RNGTT: variants seen among roughly 807,000 people sequenced by gnomAD.
RNGTT encodes mRNA-capping enzyme.
In RNGTT, 33 loss-of-function variants were observed where a neutral mutation model predicts 79.3. That is an observed-to-expected ratio of 0.42 (90% CI 0.32 to 0.56). The LOEUF (loss-of-function observed/expected upper bound fraction) is 0.56. Ranked by LOEUF, RNGTT falls within the 20% of genes least tolerant of loss-of-function variation. RNGTT has a pLI of 0.17. For missense variants in RNGTT, 497 were observed against 739.1 expected, an observed-to-expected ratio of 0.67 and a Z score of 3.80; for synonymous variants, 222 against 235.9, an observed-to-expected ratio of 0.94 and a Z score of 0.54.
chr6:88,832,857 A>G (rs1302662378), intron 11 of RNGTT, among the ~76,000 whole-genome samples: 1 of 152,224 alleles, frequency 6.6e-6, no homozygotes, highest in Non-Finnish European at 1.5e-5. Context: ...GAGAAATGCA[A>G]ATCAAAACCA....
At chr6:88,728,464 G>T (rs1776995920) in intron 13 of RNGTT, among the ~76,000 whole-genome samples, 1 of 152,142 alleles carries the variant, frequency 6.6e-6, no homozygotes, top group Non-Finnish European at 1.5e-5. Context: ...AAAGTTCTGT[G>T]GACCACTAAA....
At chr6:88,646,537 T>G (rs9359799) in intron 14 of RNGTT, among the ~76,000 whole-genome samples, 151,049 of 152,316 alleles carry the variant, frequency 0.99, 74,900 homozygotes, top group East Asian at 1. Flanking sequence ...TAAAGACACA[T>G]GCACACCTAT....
intron 4 of RNGTT, among the ~76,000 whole-genome samples, chr6:88,918,393 G>T (rs1373323178): frequency 1.3e-5 from 2 of 151,986 alleles, no homozygotes; most frequent in Non-Finnish European, 1.5e-5. Context: ...AGGAAAAAAT[G>T]GATTCAAGTA....
At chr6:88,671,649 C>T (rs1774642875) in intron 14 of RNGTT, among the ~76,000 whole-genome samples, 1 of 152,162 alleles carries the variant, frequency 6.6e-6, no homozygotes, top group African/African-American at 2.4e-5. Context: ...AAAGCCAAAG[C>T]AAGCCTAAGC....
chr6:88,841,251 G>A (rs888740892), intron 11 of RNGTT, among the ~76,000 whole-genome samples: 4 of 152,066 alleles, frequency 2.6e-5, no homozygotes, highest in Non-Finnish European at 5.9e-5. Context: ...TAGCGGCAGA[G>A]GTCAACCAAA....
chr6:88,906,163 A>G (rs1783647075), intron 5 of RNGTT, among the ~76,000 whole-genome samples: 1 of 152,096 alleles, frequency 6.6e-6, no homozygotes. Context: ...AAAACAAAAC[A>G]TACATATATA....
chr6:88,716,987 G>C (rs915698756), intron 13 of RNGTT, among the ~76,000 whole-genome samples: 2 of 151,978 alleles, frequency 1.3e-5, no homozygotes, highest in Non-Finnish European at 2.9e-5. Flanking sequence ...TGTAAACTGA[G>C]CACTCATTCC....
At chr6:88,657,575 A>T (rs944230731) in intron 14 of RNGTT, among the ~76,000 whole-genome samples, 1 of 152,218 alleles carries the variant, frequency 6.6e-6, no homozygotes, top group Non-Finnish European at 1.5e-5. Context: ...ATATGAGCAC[A>T]GAAACTGCAG....
At chr6:88,758,114 CTT>C (rs934693449) in intron 13 of RNGTT, among the ~76,000 whole-genome samples, 1 of 152,042 alleles carries the variant, frequency 6.6e-6, no homozygotes, top group Admixed American at 6.6e-5. Flanking sequence ...ATTTGATAGT[CTT>C]TGTCTCTATA....
At chr6:88,710,331 T>C (rs1053754155) in intron 13 of RNGTT, among the ~76,000 whole-genome samples, 3 of 152,244 alleles carry the variant, frequency 2.0e-5, no homozygotes, top group African/African-American at 7.2e-5. Flanking sequence ...ATACTGTATG[T>C]TGTCTAGCAG....
At chr6:88,618,053 T>C (rs998229445) in intron 14 of RNGTT, among the ~76,000 whole-genome samples, 1 of 152,216 alleles carries the variant, frequency 6.6e-6, no homozygotes, top group Non-Finnish European at 1.5e-5. Context: ...TAGCTTATCA[T>C]TCTTGTGTTC....
chr6:88,660,848 A>ACAACTG (rs1774156725), intron 14 of RNGTT, among the ~76,000 whole-genome samples: 1 of 152,222 alleles, frequency 6.6e-6, no homozygotes, highest in Non-Finnish European at 1.5e-5. Context: ...ATTCTACCCA[A>ACAACTG]CAACTGCAGA....
At chr6:88,640,223 T>A (rs755886383) in intron 14 of RNGTT, among the ~76,000 whole-genome samples, 4 of 152,056 alleles carry the variant, frequency 2.6e-5, no homozygotes, top group Admixed American at 2.6e-4. Flanking sequence ...GAATGATGCA[T>A]AACATGTGGT....
intron 14 of RNGTT, among the ~76,000 whole-genome samples, chr6:88,648,622 A>C (rs983863563): frequency 6.6e-6 from 1 of 152,126 alleles, no homozygotes; most frequent in Non-Finnish European, 1.5e-5. Context: ...CTATTTTCCT[A>C]AATTATCTGT....
At chr6:88,770,331 G>A (rs768559232) in intron 12 of RNGTT, among the ~76,000 whole-genome samples, 23 of 152,214 alleles carry the variant, frequency 1.5e-4, no homozygotes, top group Non-Finnish European at 1.8e-4. Context: ...AATTCCCTCC[G>A]TCAGCATTCT....
chr6:88,890,383 G>T, intron 8 of RNGTT, 112 bp downstream of exon 8: 1 of 662,314 alleles, frequency 1.5e-6, no homozygotes, highest in Non-Finnish European at 2.5e-6. Context: ...CATTTATTTT[G>T]CTATTCACAT....
chr6:88,823,070 T>C (rs990104920), intron 11 of RNGTT, among the ~76,000 whole-genome samples: 6 of 152,144 alleles, frequency 3.9e-5, no homozygotes, highest in Non-Finnish European at 7.4e-5. Context: ...GCACTATCCA[T>C]AAAAGAAAAA....
At chr6:88,759,550 GCA>G (rs147186560) in intron 13 of RNGTT, among the ~76,000 whole-genome samples, 127 of 152,166 alleles carry the variant, frequency 8.3e-4, no homozygotes, top group East Asian at 7.7e-3. Context: ...TCATATACAT[GCA>G]CATACATGTG....
chr6:88,805,766 G>C (rs1278393208), intron 11 of RNGTT, among the ~76,000 whole-genome samples: 2 of 152,138 alleles, frequency 1.3e-5, no homozygotes. Flanking sequence ...GCAAGAAACA[G>C]TTGTTTACAT....
Sources: allele counts gnomAD v4.1 joint callset (sites outside exome capture counted in the v4.1 genomes callset), GRCh38; gene constraint gnomAD v4.1.1; transcripts MANE v1.5; gene names NCBI Gene and HGNC (gene_info 2026-07-23, HGNC 2026-07-21).